ZNF521: variants seen among roughly 807,000 people sequenced by gnomAD.
The protein encoded by ZNF521 is LYST-interacting protein 3.
ZNF521 carries 14 observed loss-of-function variants against 105.5 expected under a neutral mutation model. The ratio of observed to expected loss-of-function variants is 0.13; its 90% CI spans 0.09 to 0.21. The LOEUF is 0.21. ZNF521 is among the 10% of genes least tolerant of loss of function. The pLI, the probability that ZNF521 is intolerant of heterozygous loss-of-function variation, is 1.00. For missense variants in ZNF521, 1,233 were observed against 1,629.7 expected, an observed-to-expected ratio of 0.76 and a Z score of 4.19; for synonymous variants, 635 against 606.0, an observed-to-expected ratio of 1.05 and a Z score of -0.70.
intron 4 of ZNF521, among the ~76,000 whole-genome samples, chr18:25,212,371 A>G (rs1010849722): frequency 1.3e-4 from 19 of 150,580 alleles, no homozygotes; most frequent in South Asian, 6.3e-4. Context: ...TCAGCTGGGC[A>G]TGGTGGCGCA....
intron 5 of ZNF521, among the ~76,000 whole-genome samples, chr18:25,164,037 A>C (rs2035294835): frequency 1.3e-5 from 2 of 152,208 alleles, no homozygotes; most frequent in African/African-American, 4.8e-5. Flanking sequence ...CAGGTAAAAT[A>C]GGAATTAAAC....
chr18:25,316,070 G>T (rs183856686), intron 3 of ZNF521, among the ~76,000 whole-genome samples: 135 of 152,212 alleles, frequency 8.9e-4, no homozygotes, highest in African/African-American at 3.1e-3. Flanking sequence ...TCATCAAAAA[G>T]TCTTCAGGCA....
intron 3 of ZNF521, among the ~76,000 whole-genome samples, chr18:25,275,968 A>C (rs976145435): frequency 6.6e-6 from 1 of 152,164 alleles, no homozygotes; most frequent in East Asian, 1.9e-4. Flanking sequence ...AGGAGCACAA[A>C]GTTTGGCAAT....
chr18:25,142,674 C>T (rs1170084485), intron 5 of ZNF521, among the ~76,000 whole-genome samples: 1 of 151,982 alleles, frequency 6.6e-6, no homozygotes, highest in Admixed American at 6.6e-5. Flanking sequence ...CAGCTCACTA[C>T]AAAATGCCAC....
rs1008735436 is a variant in ZNF521, at chr18:25,103,370, AAAAC to A, written c.3659-11293_3659-11290del. Among the ~76,000 whole-genome samples, 9 of 152,258 alleles carry A rather than the reference AAAAC, an allele frequency of 5.9e-5. 1 individual carries two copies. The South Asian group carries it at 1.9e-3, about 32-fold the overall frequency. ...TCCTTTATGGAGTTATAATTACTCA[AAAAC>A]AAACACTGATTTCTTAATTCTATTC... On this transcript the variant is annotated intron_variant, in intron 5 of 7. Coordinates refer to ENST00000361524, the MANE Select transcript of ZNF521 (RefSeq NM_015461.3).
intron 5 of ZNF521, among the ~76,000 whole-genome samples, chr18:25,163,569 T>C (rs2035286012): frequency 6.6e-6 from 1 of 152,160 alleles, no homozygotes; most frequent in African/African-American, 2.4e-5. Flanking sequence ...TTGAGTTTCA[T>C]GGGGGGCTTT....
At chr18:25,346,087 A>G (rs1428773241) in intron 2 of ZNF521, among the ~76,000 whole-genome samples, 1 of 152,176 alleles carries the variant, frequency 6.6e-6, no homozygotes, top group Non-Finnish European at 1.5e-5. Context: ...CTATCTAAAA[A>G]TAATTTTGAG....
chr18:25,063,677 G>C (rs552317861), intron 7 of ZNF521, among the ~76,000 whole-genome samples: 83 of 152,200 alleles, frequency 5.5e-4, no homozygotes, highest in African/African-American at 1.9e-3. Flanking sequence ...GAGATAACCT[G>C]GTTCGCCAGG....
chr18:25,183,797 T>G (rs879932578), intron 5 of ZNF521, among the ~76,000 whole-genome samples: 6 of 152,172 alleles, frequency 3.9e-5, no homozygotes, highest in Non-Finnish European at 8.8e-5. Flanking sequence ...AGTCCTCATT[T>G]ACTAGCAGAT....
chr18:25,254,819 C>T (rs1908366280), intron 3 of ZNF521, among the ~76,000 whole-genome samples: 1 of 152,082 alleles, frequency 6.6e-6, no homozygotes, highest in Non-Finnish European at 1.5e-5. Context: ...TTCTCCACCC[C>T]ACCTTTCTTT....
At position 25,225,371 on chromosome 18, in the gene ZNF521, C is replaced by T. The variant is rs1906047081; in HGVS notation, c.2547G>A (p.Glu849=). The change falls in exon 4 of 8, where the codon GAG becomes GAA. Residue 849 remains glutamate, a synonymous_variant. Transcript: ENST00000361524. This position sits in a 1 kb window ranked among gnomAD's most constrained non-coding sequence, Gnocchi z 5.6. The part of the protein sequence containing the change: ...TPNCGTNGAS[E]QVQKEEVELQ... Reference sequence around the variant, plus strand: ...GCTCCACTTCCTCTTTCTGCACTTGCTCGGAAGCTCCATTTGTTCCACAGT... The same window carrying T: ...GCTCCACTTCCTCTTTCTGCACTTGTTCGGAAGCTCCATTTGTTCCACAGT... 6.2e-7 allele frequency: 1 copy of T among 1,614,178 alleles called. No homozygotes were observed. Among genetic ancestry groups the T allele is most frequent in the Non-Finnish European group, 8.5e-7 (1 of 1,180,030 alleles).
At chr18:25,320,069 G>A (rs769965560) in intron 3 of ZNF521, among the ~76,000 whole-genome samples, 2 of 152,204 alleles carry the variant, frequency 1.3e-5, no homozygotes, top group Admixed American at 6.5e-5. Context: ...ATCCTGAATC[G>A]TGGATGAGGG....
intron 3 of ZNF521, among the ~76,000 whole-genome samples, chr18:25,309,019 C>T (rs989450714): frequency 4.0e-4 from 61 of 152,220 alleles, no homozygotes; most frequent in African/African-American, 1.4e-3. Flanking sequence ...AACTTAAGCT[C>T]CATCTGTGAG....
chr18:25,213,021 T>C (rs1379340836), intron 4 of ZNF521, among the ~76,000 whole-genome samples: 1 of 151,514 alleles, frequency 6.6e-6, no homozygotes, highest in Admixed American at 6.6e-5. Flanking sequence ...ATTTTTGTGC[T>C]ACTTTTTTCT....
intron 5 of ZNF521, among the ~76,000 whole-genome samples, chr18:25,150,891 C>CTTTTTTTTTT (rs559303954): frequency 7.6e-6 from 1 of 132,200 alleles, no homozygotes; most frequent in Admixed American, 8.0e-5. Flanking sequence ...TTTCTTTTTT[C>CTTTTTTTTTT]TTTTTTTTTT....
intron 3 of ZNF521, among the ~76,000 whole-genome samples, chr18:25,274,851 T>A (rs1043253144): frequency 1.3e-5 from 2 of 152,110 alleles, no homozygotes; most frequent in African/African-American, 4.8e-5. Flanking sequence ...TTATGGCTTG[T>A]CCCCTAGATT....
intron 4 of ZNF521, among the ~76,000 whole-genome samples, chr18:25,204,431 T>A (rs2036044650): frequency 6.6e-6 from 1 of 152,090 alleles, no homozygotes; most frequent in Non-Finnish European, 1.5e-5. Context: ...ATCTGACAGG[T>A]ATGCATTAAA....
intron 3 of ZNF521, among the ~76,000 whole-genome samples, chr18:25,286,122 C>T (rs1298485923): frequency 6.6e-6 from 1 of 152,196 alleles, no homozygotes; most frequent in African/African-American, 2.4e-5. Context: ...CAGGGGAGGG[C>T]ACTTCACCCT....
intron 5 of ZNF521, among the ~76,000 whole-genome samples, chr18:25,183,830 T>C (rs1567998861): frequency 6.6e-6 from 1 of 152,188 alleles, no homozygotes; most frequent in Non-Finnish European, 1.5e-5. Flanking sequence ...AGAACCTTTT[T>C]AGTGTAGAAA....
Sources: gnomAD v4.1 joint callset for allele counts (sites outside exome capture counted in the v4.1 genomes callset) on GRCh38, gnomAD v4.1.1 for gene constraint, Gnocchi (gnomAD v3.1) non-coding constraint, MANE v1.5 for transcripts, NCBI Gene and HGNC (gene_info 2026-07-23, HGNC 2026-07-21) for gene names.